TRAPPC9: variants seen among roughly 807,000 people sequenced by gnomAD.
TRAPPC9 encodes the protein trafficking protein particle complex subunit 9.
TRAPPC9 carries 83 observed loss-of-function variants against 124.0 expected under a neutral mutation model. The observed-to-expected ratio is 0.67, with a 90% CI of 0.56 to 0.80. TRAPPC9 has a LOEUF of 0.80. TRAPPC9 is among the 30% of genes least tolerant of loss of function. The pLI is 0.00. For synonymous variants in TRAPPC9, 638 were observed against 617.5 expected (o/e 1.03, Z -0.49); for missense variants, 1,302 against 1,508.3 (o/e 0.86, Z 2.27).
intron 21 of TRAPPC9, among the ~76,000 whole-genome samples, chr8:139,795,923 C>A (rs928907214): frequency 1.3e-5 from 2 of 152,124 alleles, no homozygotes; most frequent in East Asian, 3.9e-4. Context: ...AAACACAACA[C>A]AGGAGAAGGC....
At chr8:140,023,828 G>A in intron 18 of TRAPPC9, 109 bp downstream of exon 18, 1 of 1,547,648 alleles carries the variant, frequency 6.5e-7, no homozygotes, top group Non-Finnish European at 8.9e-7. Context: ...TTGGCCCCAT[G>A]GCACGGATCT....
chr8:139,857,348 C>G (rs1200064361), intron 21 of TRAPPC9, among the ~76,000 whole-genome samples: 6 of 152,326 alleles, frequency 3.9e-5, no homozygotes, highest in Non-Finnish European at 7.3e-5. Context: ...CAAGGCGAGG[C>G]ATAGCAATAT....
intron 21 of TRAPPC9, among the ~76,000 whole-genome samples, chr8:139,777,776 G>A (rs1821493460): frequency 6.6e-6 from 1 of 152,218 alleles, no homozygotes; most frequent in African/African-American, 2.4e-5. Flanking sequence ...CTGGCCATTA[G>A]GGAACAAAGA....
intron 10 of TRAPPC9, among the ~76,000 whole-genome samples, chr8:140,303,950 T>G (rs761930952): frequency 7.9e-5 from 12 of 152,210 alleles, no homozygotes; most frequent in Non-Finnish European, 1.5e-4. Context: ...CGATTCTATA[T>G]AGCAGGTCTG....
chr8:139,856,450 A>C (rs1237909170), intron 21 of TRAPPC9, among the ~76,000 whole-genome samples: 3 of 152,084 alleles, frequency 2.0e-5, no homozygotes, highest in Admixed American at 1.3e-4. Flanking sequence ...CCGGGAGGCC[A>C]GGAGACTTGG....
intron 19 of TRAPPC9, among the ~76,000 whole-genome samples, chr8:139,924,698 A>AG (rs1832701981): frequency 6.6e-6 from 1 of 152,140 alleles, no homozygotes; most frequent in African/African-American, 2.4e-5. Context: ...CCCTCGCTAT[A>AG]CCCATCAGTC....
chr8:140,128,607 T>C (rs1378074678), intron 17 of TRAPPC9, among the ~76,000 whole-genome samples: 2 of 152,242 alleles, frequency 1.3e-5, no homozygotes, highest in African/African-American at 4.8e-5. Flanking sequence ...CTGTGCTCCT[T>C]GTACGGCAGA....
intron 17 of TRAPPC9, among the ~76,000 whole-genome samples, chr8:140,219,165 C>T (rs574718932): frequency 6.6e-6 from 1 of 152,074 alleles, no homozygotes; most frequent in Non-Finnish European, 1.5e-5. Flanking sequence ...TTTCTATAAA[C>T]TTTATACAAT....
chr8:139,756,363 G>GGA (rs1819776276), intron 21 of TRAPPC9, among the ~76,000 whole-genome samples: 3 of 71,246 alleles, frequency 4.2e-5, no homozygotes, highest in Admixed American at 1.6e-4. Context: ...TGGGGGTAGA[G>GGA]GGACAGCAGG....
intron 4 of TRAPPC9, among the ~76,000 whole-genome samples, chr8:140,431,712 C>G (rs549420355): frequency 2.9e-4 from 44 of 152,264 alleles, no homozygotes; most frequent in African/African-American, 1.0e-3. Context: ...AGATGCAGAG[C>G]GAGGAGGTGG....
intron 19 of TRAPPC9, among the ~76,000 whole-genome samples, chr8:139,957,423 A>C (rs953268534): frequency 2.0e-5 from 3 of 152,234 alleles, no homozygotes; most frequent in Admixed American, 2.0e-4. Context: ...GGCAGACAGC[A>C]AGGACTCTGG....
intron 21 of TRAPPC9, among the ~76,000 whole-genome samples, chr8:139,792,509 G>A (rs1463331590): frequency 1.3e-5 from 2 of 152,204 alleles, no homozygotes; most frequent in African/African-American, 4.8e-5. Flanking sequence ...ATGCCCCACT[G>A]TTCCCACTGA....
At chr8:140,318,692 CAAAT>C (rs1366776641) in intron 9 of TRAPPC9, among the ~76,000 whole-genome samples, 1 of 152,228 alleles carries the variant, frequency 6.6e-6, no homozygotes, top group Non-Finnish European at 1.5e-5. Flanking sequence ...CATGTTGTCA[CAAAT>C]AACAGAATTT....
At chr8:139,744,619 G>T (rs1818771031) in intron 21 of TRAPPC9, among the ~76,000 whole-genome samples, 1 of 152,198 alleles carries the variant, frequency 6.6e-6, no homozygotes, top group South Asian at 2.1e-4. Flanking sequence ...CGACTGTCAG[G>T]GCACGCACTT....
chr8:139,789,157 C>T (rs1822478005), intron 21 of TRAPPC9, among the ~76,000 whole-genome samples: 1 of 152,194 alleles, frequency 6.6e-6, no homozygotes, highest in African/African-American at 2.4e-5. Context: ...CACTGGCTCA[C>T]ACTCATCTGC....
intron 9 of TRAPPC9, among the ~76,000 whole-genome samples, chr8:140,313,871 C>A (rs1207640626): frequency 2.0e-5 from 3 of 152,176 alleles, no homozygotes; most frequent in Non-Finnish European, 4.4e-5. Flanking sequence ...CTTTCCCCTA[C>A]TGCCATATGA....
At chr8:140,085,338 T>TG (rs1554620920) in intron 17 of TRAPPC9, among the ~76,000 whole-genome samples, 1 of 143,258 alleles carries the variant, frequency 7.0e-6, no homozygotes, top group African/African-American at 2.6e-5. Flanking sequence ...TCTTACTGTT[T>TG]AAAAAAAAAA....
chr8:140,198,075 G>A (rs1437721598), intron 17 of TRAPPC9, among the ~76,000 whole-genome samples: 2 of 152,210 alleles, frequency 1.3e-5, no homozygotes, highest in Non-Finnish European at 2.9e-5. Flanking sequence ...TCCACAGGGT[G>A]ACCCTGAAAC....
chr8:139,985,694 C>T (rs1837198700), intron 19 of TRAPPC9, among the ~76,000 whole-genome samples: 1 of 152,174 alleles, frequency 6.6e-6, no homozygotes, highest in African/African-American at 2.4e-5. Flanking sequence ...CCAAACAGGA[C>T]CTGCTACAAG....
Sources: allele counts gnomAD v4.1 joint callset (sites outside exome capture counted in the v4.1 genomes callset), GRCh38; gene constraint gnomAD v4.1.1; transcripts MANE v1.5; gene names NCBI Gene and HGNC (gene_info 2026-07-23, HGNC 2026-07-21).